The following TRPM3 variants were observed in gnomAD, a reference collection of about 807,000 sequenced individuals.
The protein encoded by TRPM3 is transient receptor potential cation channel subfamily M member 3.
Under a neutral mutation model 181.2 loss-of-function variants are expected in TRPM3, and 77 were observed. That is an observed-to-expected ratio of 0.42 (90% CI 0.35 to 0.51). The LOEUF (loss-of-function observed/expected upper bound fraction) is 0.51. TRPM3 is among the 20% of genes least tolerant of loss of function. The probability of loss-of-function intolerance (pLI) is 0.01; values close to 1 mark genes in which losing one functional copy is unlikely to be tolerated. For missense variants in TRPM3, 1,759 were observed against 2,196.7 expected, an observed-to-expected ratio of 0.80 and a Z score of 3.98; for synonymous variants, 745 against 796.4, an observed-to-expected ratio of 0.94 and a Z score of 1.09.
At chr9:71,237,885 C>A (rs1380405738) in intron 1 of TRPM3, among the ~76,000 whole-genome samples, 8 of 152,190 alleles carry the variant, frequency 5.3e-5, no homozygotes, top group Non-Finnish European at 7.3e-5. Flanking sequence ...TGCATGAAGC[C>A]TCTTTTATAA....
At chr9:70,763,974 T>C (rs10868882) in intron 7 of TRPM3, among the ~76,000 whole-genome samples, 56,491 of 151,908 alleles carry the variant, frequency 0.37, 12,816 homozygotes, top group East Asian at 0.5. Context: ...ATGGCATGAA[T>C]GGGCCCAGTT....
Position 70,846,560 on chromosome 9 carries a change from T to C in TRPM3, c.494A>G (p.Asp165Gly), listed in dbSNP as rs1422840316. Reference protein sequence around the residue: ...YVRVSFDTKPDLLLHLMTKEW... With the variant: ...YVRVSFDTKPGLLLHLMTKEW... ...CTTGGTCATCAGGTGTAAGAGGAGA[T>C]CAGGTTTTGTATCAAAAGATACTCG... Residue 165 changes from aspartate (D) to glycine (G), a missense_variant, in exon 4 of 26, where the codon GAT (aspartate) becomes GGT (glycine). By Grantham distance (94) the Asp-to-Gly change is moderately conservative (BLOSUM62 -1). Coordinates refer to ENST00000677713, the MANE Select transcript of TRPM3 (RefSeq NM_001366145.2). 5 of 1,613,988 alleles carry C rather than the reference T, an allele frequency of 3.1e-6. No homozygotes were observed. Among genetic ancestry groups the C allele is most frequent in the Admixed American group, 1.7e-5 (1 of 59,988 alleles).
chr9:71,211,242 G>C (rs112797814), intron 1 of TRPM3, among the ~76,000 whole-genome samples: 15 of 152,206 alleles, frequency 9.9e-5, no homozygotes, highest in African/African-American at 3.6e-4. Context: ...AGCCTTGACT[G>C]TTTCTCAATG....
intron 1 of TRPM3, among the ~76,000 whole-genome samples, chr9:71,203,384 G>A (rs889561450): frequency 6.6e-6 from 1 of 152,136 alleles, no homozygotes; most frequent in Non-Finnish European, 1.5e-5. Context: ...ACATGTCTCA[G>A]TAAGTTGTAA....
chr9:70,938,997 A>G (rs894929090), intron 1 of TRPM3, among the ~76,000 whole-genome samples: 1 of 146,260 alleles, frequency 6.8e-6, no homozygotes, highest in East Asian at 2.1e-4. Context: ...AAATAAAAAA[A>G]AAACATTCAT....
intron 1 of TRPM3, among the ~76,000 whole-genome samples, chr9:70,908,384 A>C (rs569874272): frequency 6.6e-6 from 1 of 152,246 alleles, no homozygotes; most frequent in Non-Finnish European, 1.5e-5. Flanking sequence ...GTTTCAGACC[A>C]ATGTTTGCAC....
At chr9:70,852,060 G>A (rs1015019636) in intron 3 of TRPM3, among the ~76,000 whole-genome samples, 3 of 146,864 alleles carry the variant, frequency 2.0e-5, no homozygotes, top group Admixed American at 6.9e-5. Context: ...TGGAGGTTGC[G>A]GTGAGCTGAG....
intron 25 of TRPM3, among the ~76,000 whole-genome samples, chr9:70,540,677 C>T (rs947476308): frequency 6.6e-6 from 1 of 152,184 alleles, no homozygotes; most frequent in Non-Finnish European, 1.5e-5. Context: ...TACAGACAGC[C>T]TGGACAACAT....
intron 1 of TRPM3, among the ~76,000 whole-genome samples, chr9:71,246,436 G>C (rs1244666265): frequency 6.6e-6 from 1 of 151,690 alleles, no homozygotes; most frequent in Non-Finnish European, 1.5e-5. Flanking sequence ...TATTTAAGGT[G>C]TGTCCCCTTC....
chr9:71,332,793 TG>T (rs1321171738), intron 1 of TRPM3, among the ~76,000 whole-genome samples: 3 of 150,138 alleles, frequency 2.0e-5, no homozygotes, highest in African/African-American at 7.3e-5. Context: ...TTTAAATGTA[TG>T]TGCAAAGTGG....
intron 1 of TRPM3, among the ~76,000 whole-genome samples, chr9:71,055,295 TAA>T (rs2060531958): frequency 6.6e-6 from 1 of 151,976 alleles, no homozygotes; most frequent in Non-Finnish European, 1.5e-5. Flanking sequence ...AGTAGAAACT[TAA>T]AGATAGTGCA....
intron 22 of TRPM3, among the ~76,000 whole-genome samples, chr9:70,583,177 AG>A (rs1382469220): frequency 6.6e-6 from 1 of 152,192 alleles, no homozygotes; most frequent in Non-Finnish European, 1.5e-5. Context: ...TGTTTTCAGA[AG>A]GGGCAACAGA....
intron 1 of TRPM3, among the ~76,000 whole-genome samples, chr9:70,870,597 AAT>A (rs2095767139): frequency 1.3e-5 from 2 of 152,058 alleles, no homozygotes; most frequent in South Asian, 4.1e-4. Context: ...TGTTATTTAT[AAT>A]ACAGAAAAAG....
intron 1 of TRPM3, among the ~76,000 whole-genome samples, chr9:70,897,514 TC>T (rs1330864158): frequency 1.3e-5 from 2 of 152,060 alleles, no homozygotes; most frequent in African/African-American, 2.4e-5. Flanking sequence ...ATTTTCAATT[TC>T]CCAACAATTC....
chr9:71,305,776 T>C (rs1320012794), intron 1 of TRPM3, among the ~76,000 whole-genome samples: 2 of 152,142 alleles, frequency 1.3e-5, no homozygotes, highest in African/African-American at 2.4e-5. Context: ...GGAGTGCTAG[T>C]ATTGACTTGC....
intron 1 of TRPM3, among the ~76,000 whole-genome samples, chr9:70,934,196 A>G (rs1230043438): frequency 6.6e-6 from 1 of 152,186 alleles, no homozygotes; most frequent in African/African-American, 2.4e-5. Flanking sequence ...GGCCATCTAC[A>G]TCATGTTGCA....
At chr9:70,545,010 C>A (rs2044467834) in intron 25 of TRPM3, among the ~76,000 whole-genome samples, 1 of 151,942 alleles carries the variant, frequency 6.6e-6, no homozygotes, top group African/African-American at 2.4e-5. Flanking sequence ...TCATATATGC[C>A]CCTCAATAAC....
intron 1 of TRPM3, among the ~76,000 whole-genome samples, chr9:71,146,212 T>C (rs1260185734): frequency 6.6e-6 from 1 of 152,170 alleles, no homozygotes; most frequent in Non-Finnish European, 1.5e-5. Flanking sequence ...AATGACACAG[T>C]GATATAAAGT....
chr9:70,629,416 A>G (rs1347894569), intron 12 of TRPM3, among the ~76,000 whole-genome samples: 1 of 151,372 alleles, frequency 6.6e-6, no homozygotes, highest in African/African-American at 2.4e-5. Flanking sequence ...ACTCACTGCA[A>G]CCTCCGCCTC....
Sources: allele counts gnomAD v4.1 joint callset (sites outside exome capture counted in the v4.1 genomes callset), GRCh38; gene constraint gnomAD v4.1.1; transcripts MANE v1.5; gene names NCBI Gene and HGNC (gene_info 2026-07-23, HGNC 2026-07-21).